Variants in PTPRN2 observed in about 807,000 individuals in gnomAD.
The protein encoded by PTPRN2 is protein tyrosine phosphatase receptor type N2, also known as receptor-type tyrosine-protein phosphatase N2.
In PTPRN2, 74 loss-of-function variants were observed where a neutral mutation model predicts 118.8. That is an observed-to-expected ratio of 0.62 (90% CI 0.52 to 0.76). The LOEUF (loss-of-function observed/expected upper bound fraction) is 0.76. Among genes scored for constraint, PTPRN2 ranks in the 30% least tolerant of loss-of-function variants. PTPRN2 has a pLI of 0.00. For missense variants in PTPRN2, 1,481 were observed against 1,394.4 expected (o/e 1.06, Z -0.99); for synonymous variants, 641 against 608.0 (o/e 1.05, Z -0.80).
intron 11 of PTPRN2, among the ~76,000 whole-genome samples, chr7:158,050,829 G>GC (rs1389517873): frequency 6.6e-6 from 1 of 152,174 alleles, no homozygotes; most frequent in Non-Finnish European, 1.5e-5. Context: ...ACCTCTTTAT[G>GC]CAAAGAGGCA....
chr7:158,039,463 A>C (rs1191992293), intron 11 of PTPRN2, among the ~76,000 whole-genome samples: 1 of 152,216 alleles, frequency 6.6e-6, no homozygotes, highest in Non-Finnish European at 1.5e-5. Context: ...CAATACCAAC[A>C]GGGCTCCCAC....
At chr7:158,582,872 C>A (rs531046736) in intron 1 of PTPRN2, among the ~76,000 whole-genome samples, 2 of 150,088 alleles carry the variant, frequency 1.3e-5, no homozygotes, top group South Asian at 2.1e-4. Context: ...TCTTAGATAT[C>A]TGTCACCCAA....
intron 2 of PTPRN2, among the ~76,000 whole-genome samples, chr7:158,329,680 A>T (rs933909988): frequency 6.6e-6 from 1 of 152,206 alleles, no homozygotes; most frequent in East Asian, 1.9e-4. Flanking sequence ...AGCAGCCTTC[A>T]TGGACTAAGA....
At chr7:158,227,970 T>C (rs1416848564) in intron 3 of PTPRN2, among the ~76,000 whole-genome samples, 1 of 151,190 alleles carries the variant, frequency 6.6e-6, no homozygotes, top group Non-Finnish European at 1.5e-5. Flanking sequence ...CCTGGAAAAA[T>C]GCAAAGCATT....
intron 21 of PTPRN2, among the ~76,000 whole-genome samples, chr7:157,559,503 C>G (rs1393200554): frequency 6.6e-6 from 1 of 152,072 alleles, no homozygotes; most frequent in Non-Finnish European, 1.5e-5. Flanking sequence ...GAGGGGGGAC[C>G]ACAGACTGTG....
chr7:158,078,224 T>G (rs918668270), intron 11 of PTPRN2, among the ~76,000 whole-genome samples: 1 of 152,202 alleles, frequency 6.6e-6, no homozygotes, highest in African/African-American at 2.4e-5. Flanking sequence ...TGAATGCCCT[T>G]TGAATTCTAC....
chr7:158,510,758 G>A (rs185688360), intron 1 of PTPRN2, among the ~76,000 whole-genome samples: 32 of 152,310 alleles, frequency 2.1e-4, no homozygotes, highest in African/African-American at 6.7e-4. Flanking sequence ...TGAGTAGGTC[G>A]GATGTGAATG....
intron 2 of PTPRN2, among the ~76,000 whole-genome samples, chr7:158,383,303 G>A (rs1563225258): frequency 6.6e-6 from 1 of 152,180 alleles, no homozygotes; most frequent in Non-Finnish European, 1.5e-5. Flanking sequence ...ACTTCTATTA[G>A]TGAATGTATC....
chr7:158,288,280 A>T (rs1214014044), intron 3 of PTPRN2, among the ~76,000 whole-genome samples: 1 of 152,152 alleles, frequency 6.6e-6, no homozygotes, highest in Non-Finnish European at 1.5e-5. Flanking sequence ...TAATCCATTT[A>T]CATTCACAGT....
intron 2 of PTPRN2, among the ~76,000 whole-genome samples, chr7:158,324,338 A>G (rs554570131): frequency 7.2e-5 from 11 of 152,314 alleles, no homozygotes; most frequent in East Asian, 1.9e-4. Context: ...GTGAATGACT[A>G]TAACTGGTAT....
At chr7:158,269,909 G>A (rs1480419135) in intron 3 of PTPRN2, among the ~76,000 whole-genome samples, 1 of 110,838 alleles carries the variant, frequency 9.0e-6, no homozygotes, top group Non-Finnish European at 1.8e-5. Flanking sequence ...GAGACATAGA[G>A]ACAGAGAAAC....
Position 158,368,067 on chromosome 7 carries a change from G to A in PTPRN2, c.164-51135C>T, listed in dbSNP as rs373308651. On this transcript the variant is annotated intron_variant, in intron 2 of 22. Transcript: ENST00000389418. ...TATTTGACCAGCACCAGAAGTCACCGAGCATTTTAATACAAACCTTATTGA... is the reference window on the plus strand; with the variant it reads ...TATTTGACCAGCACCAGAAGTCACCAAGCATTTTAATACAAACCTTATTGA... Among the ~76,000 whole-genome samples, 141 of 152,284 alleles carry A rather than the reference G, an allele frequency of 9.3e-4. 1 individual carries two copies. Among genetic ancestry groups the A allele is most frequent in the South Asian group, 3.3e-3 (16 of 4,820 alleles).
chr7:158,154,201 G>C (rs1821482026), intron 6 of PTPRN2, among the ~76,000 whole-genome samples: 2 of 152,184 alleles, frequency 1.3e-5, no homozygotes, highest in African/African-American at 2.4e-5. Flanking sequence ...GTAACGCAGA[G>C]ACAGGTGTTC....
intron 11 of PTPRN2, among the ~76,000 whole-genome samples, chr7:157,931,983 T>TA (rs1799386487): frequency 6.6e-6 from 1 of 152,236 alleles, no homozygotes; most frequent in East Asian, 1.9e-4. Context: ...AGAAAAGTTG[T>TA]AAGACTATCA....
intron 3 of PTPRN2, among the ~76,000 whole-genome samples, chr7:158,316,131 GC>G (rs1802304196): frequency 6.6e-6 from 1 of 152,198 alleles, no homozygotes; most frequent in South Asian, 2.1e-4. Context: ...TCCGCAGGCA[GC>G]TTCCCCTGTG....
chr7:157,854,289 G>A (rs1056183348), intron 12 of PTPRN2, among the ~76,000 whole-genome samples: 5 of 152,192 alleles, frequency 3.3e-5, no homozygotes, highest in African/African-American at 1.2e-4. Context: ...CCTGGATACC[G>A]TGGCTGCCTC....
chr7:158,235,706 A>G (rs1829486931), intron 3 of PTPRN2, among the ~76,000 whole-genome samples: 1 of 152,204 alleles, frequency 6.6e-6, no homozygotes, highest in African/African-American at 2.4e-5. Context: ...ACAATAATGT[A>G]TGTATGTTTC....
At chr7:157,600,801 A>G (rs1434472766) in intron 16 of PTPRN2, among the ~76,000 whole-genome samples, 8 of 152,270 alleles carry the variant, frequency 5.3e-5, no homozygotes, top group African/African-American at 1.7e-4. Flanking sequence ...AACCATTATT[A>G]TACACAGAAT....
intron 1 of PTPRN2, among the ~76,000 whole-genome samples, chr7:158,566,129 G>A (rs908330352): frequency 6.6e-6 from 1 of 152,182 alleles, no homozygotes; most frequent in Non-Finnish European, 1.5e-5. Context: ...AAGGTGGGTG[G>A]ATCACCTGAG....
Sources: gnomAD v4.1 joint callset for allele counts (sites outside exome capture counted in the v4.1 genomes callset) on GRCh38, gnomAD v4.1.1 for gene constraint, MANE v1.5 for transcripts, NCBI Gene and HGNC (gene_info 2026-07-23, HGNC 2026-07-21) for gene names.